The following WWP2 variants were observed in gnomAD, a reference collection of about 807,000 sequenced individuals.
WWP2 encodes NEDD4-like E3 ubiquitin-protein ligase WWP2.
Under a neutral mutation model 121.0 loss-of-function variants are expected in WWP2, and 57 were observed. The ratio of observed to expected loss-of-function variants is 0.47; its 90% CI spans 0.38 to 0.59. The LOEUF (loss-of-function observed/expected upper bound fraction) is 0.59. WWP2 is among the 20% of genes least tolerant of loss of function. The pLI, the probability that WWP2 is intolerant of heterozygous loss-of-function variation, is 0.00. For missense variants in WWP2, 962 were observed against 1,158.9 expected, an observed-to-expected ratio of 0.83 and a Z score of 2.47; for synonymous variants, 449 against 441.3, an observed-to-expected ratio of 1.02 and a Z score of -0.22.
chr16:69,817,271 G>A (rs1294317099), intron 4 of WWP2, among the ~76,000 whole-genome samples: 1 of 152,050 alleles, frequency 6.6e-6, no homozygotes, highest in Non-Finnish European at 1.5e-5. Context: ...TGTTTTTTGA[G>A]ACAGTCTCAT....
At chr16:69,936,857 A>T (rs897427925) in intron 19 of WWP2, 3 of 497,776 alleles carry the variant, frequency 6.0e-6, no homozygotes, top group Non-Finnish European at 1.1e-5. Flanking sequence ...CCACGCTTCC[A>T]TACGTCTGAG....
Position 69,934,162 on chromosome 16 carries a change from T to G in WWP2, c.1842+33T>G, listed in dbSNP as rs754025922. ...GGCCCCAGGGGTCTGCCTAGTTCCC[T>G]CCTCCTCTCCCTCCTCTTCCCTCTC... On this transcript the variant is annotated intron_variant, in intron 17 of 23. Transcript: ENST00000359154. The G allele has an allele frequency of 1.9e-6, 3 of 1,609,136 alleles. No homozygotes were observed. In the African/African-American group the frequency reaches 4.0e-5, roughly 21 times the overall value.
In WWP2 at chr16:69,937,155, G is replaced by C. The variant is rs140980306; in HGVS notation, c.2155G>C (p.Glu719Gln). Residue 719 changes from glutamate to glutamine, a missense_variant, in exon 20 of 24, where the codon GAG becomes CAG. Around this residue, in one of 3 missense-constraint regions of WWP2, gnomAD observed 606 missense variants for 772.6 expected, o/e 0.78. Coordinates refer to ENST00000359154, the MANE Select transcript of WWP2 (RefSeq NM_001270454.2). This position sits in a 1 kb window ranked among gnomAD's most constrained non-coding sequence, Gnocchi z 6.6. ...CTGGCGTTTCACCCGAGGCGTGGAAGAGCAGACCAAAGCCTTCCTGGATGG... is the reference window on the plus strand; with the variant it reads ...CTGGCGTTTCACCCGAGGCGTGGAACAGCAGACCAAAGCCTTCCTGGATGG... ...TDWRFTRGVE[E>Q]QTKAFLDGFN... is the part of the protein sequence containing the mutation. 2 of 1,613,912 alleles carry C rather than the reference G, an allele frequency of 1.2e-6. No homozygotes were observed. The highest frequency in any genetic ancestry group is 2.7e-5 in the African/African-American group (2 of 74,886).
intron 1 of WWP2, chr16:69,774,938 C>T (rs112927275): frequency 0.27 from 39,282 of 146,178 alleles, 5,742 homozygotes; most frequent in East Asian, 0.41. Flanking sequence ...CACAGCACTC[C>T]AGCCTGGGTG....
chr16:69,827,235 C>T (rs941445400), intron 4 of WWP2, among the ~76,000 whole-genome samples: 2 of 150,942 alleles, frequency 1.3e-5, no homozygotes, highest in African/African-American at 4.9e-5. Context: ...TCAAACACAA[C>T]TTATCATTTT....
At chr16:69,768,999 A>G (rs2055357266) in intron 1 of WWP2, among the ~76,000 whole-genome samples, 1 of 152,224 alleles carries the variant, frequency 6.6e-6, no homozygotes, top group African/African-American at 2.4e-5. Context: ...TCTTTTGGAC[A>G]GAGCTTTTCC....
At chr16:69,890,752 C>T (rs1302961599) in intron 8 of WWP2, 1 of 152,204 alleles carries the variant, frequency 6.6e-6, no homozygotes, top group African/African-American at 2.4e-5. Flanking sequence ...TGGGCACTTC[C>T]TGTTTCCAGG....
At chr16:69,795,158 C>G (rs1317178397) in intron 2 of WWP2, among the ~76,000 whole-genome samples, 1 of 152,074 alleles carries the variant, frequency 6.6e-6, no homozygotes, top group Non-Finnish European at 1.5e-5. Context: ...ATCGCTTCAG[C>G]CAGGTAGGTC....
chr16:69,910,578 T>G (rs1283727125), intron 9 of WWP2, among the ~76,000 whole-genome samples: 1 of 152,060 alleles, frequency 6.6e-6, no homozygotes, highest in African/African-American at 2.4e-5. Flanking sequence ...CCCAACTAAT[T>G]TTTTGTATTT....
Position 69,937,233 on chromosome 16 carries a change from C to A in WWP2, c.2233C>A (p.Leu745Met). The change falls in exon 20 of 24, where the codon CTG (leucine) becomes ATG (methionine). Residue 745 changes from leucine to methionine, a missense_variant. Around this residue, in one of 3 missense-constraint regions of WWP2, gnomAD observed 606 missense variants for 772.6 expected, o/e 0.78. Transcript: ENST00000359154. This position sits in a 1 kb window ranked among gnomAD's most constrained non-coding sequence, Gnocchi z 6.6. ...EWLRYFDEKELELMLCGMQEI... is the reference protein window; with the variant it reads ...EWLRYFDEKEMELMLCGMQEI... ...GCTGCGCTACTTTGACGAGAAAGAGCTGGAGGTGAGTGTCTGAGGTTGCTG... is the reference window on the plus strand; with the variant it reads ...GCTGCGCTACTTTGACGAGAAAGAGATGGAGGTGAGTGTCTGAGGTTGCTG... 1.2e-6 allele frequency: 2 copies of A among 1,613,394 alleles called. No homozygotes were observed. Among genetic ancestry groups the A allele is most frequent in the Non-Finnish European group, 1.7e-6 (2 of 1,179,888 alleles).
intron 1 of WWP2, among the ~76,000 whole-genome samples, chr16:69,763,759 G>T (rs1044174951): frequency 6.6e-6 from 1 of 152,126 alleles, no homozygotes; most frequent in South Asian, 2.1e-4. Context: ...ATTTTATTTG[G>T]CTGCTAGCCT....
chr16:69,892,615 C>T (rs1428250858), intron 8 of WWP2, among the ~76,000 whole-genome samples: 1 of 152,198 alleles, frequency 6.6e-6, no homozygotes, highest in Non-Finnish European at 1.5e-5. Flanking sequence ...CTCACTGCAG[C>T]CTCAGCCTCA....
At chr16:69,855,972 A>C (rs1300281588) in intron 6 of WWP2, among the ~76,000 whole-genome samples, 1 of 152,132 alleles carries the variant, frequency 6.6e-6, no homozygotes, top group Admixed American at 6.6e-5. Flanking sequence ...TTTTTCTCTT[A>C]AAATTTATTT....
intron 8 of WWP2, among the ~76,000 whole-genome samples, chr16:69,907,400 A>G (rs913849239): frequency 6.6e-5 from 10 of 152,302 alleles, no homozygotes; most frequent in African/African-American, 1.9e-4. Flanking sequence ...ACAAATTTGC[A>G]TTTTCAAAGC....
At chr16:69,790,141 G>A (rs986375773) in intron 2 of WWP2, among the ~76,000 whole-genome samples, 2 of 152,096 alleles carry the variant, frequency 1.3e-5, no homozygotes, top group African/African-American at 2.4e-5. Flanking sequence ...CAGCTACTTG[G>A]GAGGCTGAGG....
intron 1 of WWP2, among the ~76,000 whole-genome samples, chr16:69,779,048 C>G: frequency 6.6e-6 from 1 of 151,974 alleles, no homozygotes; most frequent in Admixed American, 6.6e-5. Flanking sequence ...CTCCTAGGTT[C>G]AAGAAATTCT....
intron 1 of WWP2, among the ~76,000 whole-genome samples, chr16:69,763,806 G>A (rs577193500): frequency 6.6e-6 from 1 of 152,280 alleles, no homozygotes; most frequent in East Asian, 1.9e-4. Flanking sequence ...ATAAATATTT[G>A]GTGAATAAAT....
At chr16:69,808,692 G>C (rs2056329799) in intron 4 of WWP2, among the ~76,000 whole-genome samples, 1 of 152,254 alleles carries the variant, frequency 6.6e-6, no homozygotes, top group Admixed American at 6.5e-5. Flanking sequence ...GTGAGCCACT[G>C]CGCCCGGCCA....
chr16:69,864,182 A>T (rs984045728), intron 6 of WWP2, among the ~76,000 whole-genome samples: 6 of 152,144 alleles, frequency 3.9e-5, no homozygotes, highest in African/African-American at 1.2e-4. Flanking sequence ...AGCCTGGGCA[A>T]CATGGTAAAA....
Sources: allele counts gnomAD v4.1 joint callset (sites outside exome capture counted in the v4.1 genomes callset), GRCh38; gene constraint gnomAD v4.1.1; regional missense constraint gnomAD v4.1.1; non-coding constraint Gnocchi (gnomAD v3.1); transcripts MANE v1.5; gene names NCBI Gene and HGNC (gene_info 2026-07-23, HGNC 2026-07-21).